The following RBFOX1 variants were observed in gnomAD, a reference collection of about 807,000 sequenced individuals.
RBFOX1 encodes the protein RNA binding protein fox-1 homolog 1.
In RBFOX1, 8 loss-of-function variants were observed where a neutral mutation model predicts 57.7. The ratio of observed to expected loss-of-function variants is 0.14; its 90% CI spans 0.08 to 0.25. The LOEUF (loss-of-function observed/expected upper bound fraction) is 0.25. Among genes scored for constraint, RBFOX1 ranks in the 10% least tolerant of loss-of-function variants. The pLI is 1.00. For missense variants in RBFOX1, 611 were observed against 548.5 expected, an observed-to-expected ratio of 1.11 and a Z score of -1.14; for synonymous variants, 326 against 222.4, an observed-to-expected ratio of 1.47 and a Z score of -4.15.
At chr16:6,932,479 A>G (rs915375216) in intron 3 of RBFOX1, among the ~76,000 whole-genome samples, 27 of 152,176 alleles carry the variant, frequency 1.8e-4, no homozygotes, top group African/African-American at 6.3e-4. Context: ...TGGAGGAAAC[A>G]TTAAAACCAT....
chr16:6,822,178 G>C (rs1356992553), intron 3 of RBFOX1, among the ~76,000 whole-genome samples: 1 of 152,180 alleles, frequency 6.6e-6, no homozygotes, highest in African/African-American at 2.4e-5. Context: ...GGCATTGTAA[G>C]AGGGGAGAAT....
At chr16:6,900,463 C>T (rs13332344) in intron 3 of RBFOX1, among the ~76,000 whole-genome samples, 1 of 152,072 alleles carries the variant, frequency 6.6e-6, no homozygotes, top group Non-Finnish European at 1.5e-5. Flanking sequence ...TATTGATTTC[C>T]CGTTGCTCTT....
At chr16:7,351,477 A>C (rs1265600796) in intron 4 of RBFOX1, among the ~76,000 whole-genome samples, 5 of 152,238 alleles carry the variant, frequency 3.3e-5, no homozygotes, top group Admixed American at 1.3e-4. Flanking sequence ...GAGACAAAAC[A>C]AAGAATAACT....
chr16:6,646,497 G>C (rs959971120), intron 2 of RBFOX1, among the ~76,000 whole-genome samples: 2 of 152,000 alleles, frequency 1.3e-5, no homozygotes, highest in African/African-American at 2.4e-5. Flanking sequence ...GGCAGATTAA[G>C]AGCAAAAATC....
intron 2 of RBFOX1, among the ~76,000 whole-genome samples, chr16:5,531,853 G>A (rs2044491122): frequency 6.7e-6 from 1 of 148,744 alleles, no homozygotes; most frequent in Non-Finnish European, 1.5e-5. Context: ...CCAGGCTGAA[G>A]TGCAGTGGTG....
chr16:7,455,285 C>G (rs1440238253), intron 4 of RBFOX1, among the ~76,000 whole-genome samples: 2 of 152,130 alleles, frequency 1.3e-5, no homozygotes, highest in African/African-American at 4.8e-5. Context: ...ATACATCACC[C>G]TCCCTATATT....
intron 4 of RBFOX1, among the ~76,000 whole-genome samples, chr16:7,362,366 A>C (rs2097343378): frequency 6.7e-6 from 1 of 148,720 alleles, no homozygotes; most frequent in East Asian, 2.0e-4. Flanking sequence ...TGTGTATGCT[A>C]GTGTGTGTGT....
chr16:6,690,758 C>CTTTCTTTT (rs1555695995), intron 3 of RBFOX1, among the ~76,000 whole-genome samples: 1 of 141,074 alleles, frequency 7.1e-6, no homozygotes, highest in African/African-American at 2.6e-5. Flanking sequence ...TTCTTTCTTT[C>CTTTCTTTT]TTTTTTTTTT....
At position 6,252,010 on chromosome 16, in the gene RBFOX1, GGTAAAGGAACTCCA is replaced by G. The variant is rs574830450; in HGVS notation, c.-126-64983_-126-64970del. Among the ~76,000 whole-genome samples the G allele has an allele frequency of 3.4e-3, 510 of 152,120 alleles. 2 individuals carry two copies. Among genetic ancestry groups the G allele is most frequent in the African/African-American group, 0.012 (484 of 41,516 alleles). ...TAACATAATGGAAAAACAAACTTAGGGTAAAGGAACTCCAGCGAGAATTTTAGGTCTCCTTGCTT... is the reference window on the plus strand; with the variant it reads ...TAACATAATGGAAAAACAAACTTAGGGCGAGAATTTTAGGTCTCCTTGCTT... On this transcript the variant is annotated intron_variant, in intron 1 of 15. Coordinates refer to ENST00000550418, the MANE Select transcript of RBFOX1 (RefSeq NM_018723.4).
chr16:5,244,098 C>T (rs765915258), intron 1 of RBFOX1, among the ~76,000 whole-genome samples: 2 of 152,030 alleles, frequency 1.3e-5, no homozygotes, highest in African/African-American at 4.8e-5. Context: ...GGTTTCACCA[C>T]GTTGGCCAGG....
chr16:7,211,098 AAAAG>A (rs2091035262), intron 4 of RBFOX1, among the ~76,000 whole-genome samples: 1 of 141,318 alleles, frequency 7.1e-6, no homozygotes, highest in African/African-American at 2.8e-5. Context: ...AAAAAAAAAA[AAAAG>A]GACTCTGGGC....
At chr16:5,433,505 A>C (rs1268949479) in intron 1 of RBFOX1, among the ~76,000 whole-genome samples, 1 of 152,222 alleles carries the variant, frequency 6.6e-6, no homozygotes, top group Non-Finnish European at 1.5e-5. Context: ...TGAGGAGGGC[A>C]GAAATGTTGA....
At chr16:6,772,166 C>G (rs62016077) in intron 3 of RBFOX1, among the ~76,000 whole-genome samples, 13,264 of 151,892 alleles carry the variant, frequency 0.087, 615 homozygotes, top group Admixed American at 0.13. Context: ...CCGGTGTGGG[C>G]AAAGAGGAAT....
At chr16:5,471,006 C>G (rs531932768) in intron 2 of RBFOX1, among the ~76,000 whole-genome samples, 1 of 152,238 alleles carries the variant, frequency 6.6e-6, no homozygotes, top group African/African-American at 2.4e-5. Flanking sequence ...TGCCTGCCAC[C>G]ACGCCTGGCT....
chr16:7,660,487 G>C (rs1275186071), intron 12 of RBFOX1, among the ~76,000 whole-genome samples: 1 of 152,188 alleles, frequency 6.6e-6, no homozygotes, highest in African/African-American at 2.4e-5. Context: ...AAGTGCAGCT[G>C]TTTGATGAGG....
chr16:7,486,912 C>G (rs537913809), intron 4 of RBFOX1, among the ~76,000 whole-genome samples: 2 of 152,172 alleles, frequency 1.3e-5, no homozygotes, highest in Non-Finnish European at 1.5e-5. Context: ...TTGTTTTTGT[C>G]TTTTTGAAAT....
chr16:6,929,023 A>C (rs1363037917), intron 3 of RBFOX1, among the ~76,000 whole-genome samples: 1 of 152,186 alleles, frequency 6.6e-6, no homozygotes, highest in Non-Finnish European at 1.5e-5. Context: ...TTGAGTTCCA[A>C]GGGAGCAGAT....
chr16:6,668,946 G>T (rs901726898), intron 3 of RBFOX1, among the ~76,000 whole-genome samples: 19 of 152,214 alleles, frequency 1.2e-4, no homozygotes, highest in Non-Finnish European at 5.9e-5. Context: ...AAAGATGGCA[G>T]TGGCTTTTTT....
At chr16:7,671,527 T>A (rs2071430276) in intron 13 of RBFOX1, 1 of 1,578,182 alleles carries the variant, frequency 6.3e-7, no homozygotes, top group Non-Finnish European at 8.7e-7. Context: ...ATTTTTGCAT[T>A]GAAAACATTA....
Sources: gnomAD v4.1 joint callset for allele counts (sites outside exome capture counted in the v4.1 genomes callset) on GRCh38, gnomAD v4.1.1 for gene constraint, MANE v1.5 for transcripts, NCBI Gene and HGNC (gene_info 2026-07-23, HGNC 2026-07-21) for gene names.